Variants in PCDHA1 observed in about 807,000 individuals in gnomAD.
The protein encoded by PCDHA1 is protocadherin alpha-1.
A neutral mutation model predicts 61.3 loss-of-function variants in PCDHA1; 42 were observed. That is an observed-to-expected ratio of 0.69 (90% confidence interval 0.54 to 0.89). The LOEUF (loss-of-function observed/expected upper bound fraction) is 0.89. Among genes scored for constraint, PCDHA1 ranks in the 40% least tolerant of loss-of-function variants. PCDHA1 has a pLI of 0.00. For synonymous variants in PCDHA1, 610 were observed against 553.8 expected (o/e 1.10, Z -1.43); for missense variants, 1,256 against 1,235.3 (o/e 1.02, Z -0.25).
In PCDHA1 at chr5:140,970,874, G is replaced by A. The variant is rs191123160; in HGVS notation, c.2395-8075G>A. On this transcript the variant is annotated intron_variant, in intron 1 of 3. Coordinates refer to ENST00000504120, the MANE Select transcript of PCDHA1 (RefSeq NM_018900.4). ...AAAGTTCCATTCCTGATTGAGAGTA[G>A]ATTTTTCTCATGGACATTTCAGATA... Among the ~76,000 whole-genome samples the A allele has an allele frequency of 1.6e-4, 24 of 152,250 alleles. No individual in the cohort carries two copies. The East Asian group carries it at 2.7e-3, about 17-fold the overall frequency.
chr5:140,885,053 A>T (rs2060447405), intron 1 of PCDHA1, among the ~76,000 whole-genome samples: 1 of 152,248 alleles, frequency 6.6e-6, no homozygotes, highest in African/African-American at 2.4e-5. Flanking sequence ...ATGTATACAT[A>T]TACCCACAAG....
At chr5:140,827,540 TAA>T (rs2150148064) in intron 1 of PCDHA1, among the ~76,000 whole-genome samples, 8,865 of 152,224 alleles carry the variant, frequency 0.058, 846 homozygotes, top group African/African-American at 0.2. Context: ...TTGATAATTT[TAA>T]GTTACATTTT....
intron 1 of PCDHA1, chr5:140,822,856 G>A: frequency 1.9e-6 from 3 of 1,614,206 alleles, no homozygotes; most frequent in Non-Finnish European, 2.5e-6. Flanking sequence ...TGTCAAAGAG[G>A]ACGCTCCACT....
intron 1 of PCDHA1, chr5:140,836,377 T>C (rs2150259122): frequency 1.2e-6 from 2 of 1,613,612 alleles, no homozygotes; most frequent in Non-Finnish European, 1.7e-6. Context: ...ACAGCCACCG[T>C]GCTGGTGTCG....
chr5:140,862,390 A>T (rs1325136355), intron 1 of PCDHA1: 3 of 349,930 alleles, frequency 8.6e-6, no homozygotes, highest in African/African-American at 6.4e-5. Context: ...ACGTCTCTTC[A>T]AGCTGGTGTC....
rs782231259 is a variant in PCDHA1, at chr5:140,797,038, A to T, written c.2394+8354A>T. ...GGTGGGCGCCGCGGGCTCAGAGGCT[A>T]CGCTGGTGGATGTCAACGTGTACCT... On this transcript the variant is annotated intron_variant, in intron 1 of 3. Transcript: ENST00000504120. 1.4e-5 allele frequency: 23 copies of T among 1,613,592 alleles called. No individual in the cohort carries two copies. In the East Asian group the frequency reaches 4.9e-4, roughly 34 times the overall value.
chr5:140,797,970 A>T (rs1762283751), intron 1 of PCDHA1, among the ~76,000 whole-genome samples: 1 of 152,124 alleles, frequency 6.6e-6, no homozygotes, highest in Admixed American at 6.5e-5. Flanking sequence ...GTCTTGCCTC[A>T]GCCTCCTTAG....
chr5:140,838,732 T>G (rs2150291924), intron 1 of PCDHA1, among the ~76,000 whole-genome samples: 1 of 152,114 alleles, frequency 6.6e-6, no homozygotes, highest in African/African-American at 2.4e-5. Context: ...GTCTAGTAGT[T>G]TGAGACCAGC....
At chr5:140,860,434 C>A (rs1562553401) in intron 1 of PCDHA1, 1 of 152,038 alleles carries the variant, frequency 6.6e-6, no homozygotes, top group Non-Finnish European at 1.5e-5. Context: ...CAAATATGAT[C>A]TTTTTCATAT....
rs782614839 is a variant in PCDHA1 at position 140,809,036 on chromosome 5, G to A, written c.2394+20352G>A. ...GTACGAGCTGCAGCCGGGGACTGGT[G>A]GCGCGCGCATCCCGTTCCGCGTGGG... On this transcript the variant is annotated intron_variant, in intron 1 of 3. Coordinates refer to ENST00000504120, the MANE Select transcript of PCDHA1 (RefSeq NM_018900.4). The A allele has an allele frequency of 3.1e-6, 5 of 1,613,850 alleles. No individual in the cohort carries two copies. The Admixed American group carries it at 8.3e-5, about 27-fold the overall frequency.
At chr5:140,912,914 T>C (rs141956430) in intron 1 of PCDHA1, among the ~76,000 whole-genome samples, 326 of 152,372 alleles carry the variant, frequency 2.1e-3, no homozygotes, top group African/African-American at 7.4e-3. Context: ...ATTGATTGAT[T>C]TGTGTATGTT....
intron 1 of PCDHA1, chr5:140,883,801 C>G: frequency 3.1e-6 from 5 of 1,612,430 alleles, no homozygotes; most frequent in Non-Finnish European, 4.2e-6. Flanking sequence ...TGTCGGTGCA[C>G]GCGGAGAGCG....
rs782607699 is a variant in PCDHA1, at chr5:140,926,577, C to A, written c.2395-52372C>A. ...CAGCCCGCTGCTACTGGAGACAGCA[C>A]CTCTCGCGCCCGGGCGGGCGGCCTC... On this transcript the variant is annotated intron_variant, in intron 1 of 3. Coordinates refer to ENST00000504120, the MANE Select transcript of PCDHA1 (RefSeq NM_018900.4). The A allele has an allele frequency of 2.5e-5, 7 of 275,464 alleles. No individual in the cohort carries two copies. In the Middle Eastern group the frequency reaches 3.1e-3, roughly 122 times the overall value. The allele number at this position is 275,464 out of a possible 1,614,324, so 17.1% of individuals were successfully genotyped here. A position where few individuals can be genotyped will look rare whatever the true frequency, so the allele number is the denominator to read the frequency against.
intron 1 of PCDHA1, chr5:140,883,969 G>C: frequency 6.2e-7 from 1 of 1,612,962 alleles, no homozygotes; most frequent in Non-Finnish European, 8.5e-7. Context: ...CGCTGCTGAC[G>C]CCCGGGGCTG....
intron 3 of PCDHA1, among the ~76,000 whole-genome samples, chr5:140,995,010 T>A (rs1382186138): frequency 6.6e-6 from 1 of 152,156 alleles, no homozygotes; most frequent in Non-Finnish European, 1.5e-5. Context: ...TTGTTTATAT[T>A]TAGGAAAGAA....
chr5:140,801,830 A>G (rs372863331), intron 1 of PCDHA1: 24 of 1,613,996 alleles, frequency 1.5e-5, no homozygotes, highest in Middle Eastern at 1.6e-4. Flanking sequence ...ATTATTTACT[A>G]ATAACAGCAA....
intron 1 of PCDHA1, chr5:140,853,593 G>C (rs2042798259): frequency 1.0e-6 from 1 of 986,850 alleles, no homozygotes; most frequent in Admixed American, 6.3e-5. Flanking sequence ...TAGACACTTT[G>C]AGAGCAAAGG....
In PCDHA1 at chr5:140,848,922, G is replaced by A. The variant is rs2150424904; in HGVS notation, c.2394+60238G>A. Reference sequence around the variant, plus strand: ...AGCGACACAAAAGAATCTGTTCATCGCGGAATCCAGGCCGCTTGACTCTCG... The same window carrying A: ...AGCGACACAAAAGAATCTGTTCATCACGGAATCCAGGCCGCTTGACTCTCG... On this transcript the variant is annotated intron_variant, in intron 1 of 3. Transcript: ENST00000504120. The A allele has an allele frequency of 1.1e-5, 18 of 1,607,650 alleles. 1 individual carries two copies. The highest frequency in any genetic ancestry group is 2.7e-5 in the African/African-American group (2 of 73,700).
At chr5:140,953,025 G>A (rs1408416785) in intron 1 of PCDHA1, among the ~76,000 whole-genome samples, 9 of 152,024 alleles carry the variant, frequency 5.9e-5, no homozygotes, top group African/African-American at 1.9e-4. Flanking sequence ...ACATTAAGGG[G>A]GAAATCCACC....
Sources: gnomAD v4.1 joint callset for allele counts (sites outside exome capture counted in the v4.1 genomes callset) on GRCh38, gnomAD v4.1.1 for gene constraint, MANE v1.5 for transcripts, NCBI Gene and HGNC (gene_info 2026-07-23, HGNC 2026-07-21) for gene names.